TMEM260: variants seen among roughly 807,000 people sequenced by gnomAD.
The protein encoded by TMEM260 is transmembrane protein 260, also known as protein O-mannosyl-transferase TMEM260.
A neutral mutation model predicts 88.9 loss-of-function variants in TMEM260; 82 were observed. That is an observed-to-expected ratio of 0.92 (90% CI 0.77 to 1.11). TMEM260 has a LOEUF of 1.11. Among genes scored for constraint, TMEM260 ranks in the 50% least tolerant of loss-of-function variants. TMEM260 has a pLI of 0.00. For synonymous variants in TMEM260, 314 were observed against 309.3 expected, an observed-to-expected ratio of 1.02 and a Z score of -0.16; for missense variants, 902 against 853.4, an observed-to-expected ratio of 1.06 and a Z score of -0.71.
At position 56,580,002 on chromosome 14, in the gene TMEM260, G is replaced by T; in HGVS notation, c.88G>T (p.Val30Leu). Residue 30 changes from valine (V) to leucine (L), a missense_variant, in exon 1 of 16, where the codon GTG becomes TTG. Transcript: ENST00000261556. ...GCGCTCCGGGGGCATCCGCGGCGGC[G>T]TGGCGGTGTTCGCCGCCGTGGCCGC... is the stretch of plus-strand genomic sequence containing the variant. ...LRRSGGIRGGVAVFAAVAAVF... is the reference protein window; with the variant it reads ...LRRSGGIRGGLAVFAAVAAVF... The T allele has an allele frequency of 8.0e-7, 1 of 1,246,968 alleles. No individual in the cohort carries two copies. Among genetic ancestry groups the T allele is most frequent in the Non-Finnish European group, 1.0e-6 (1 of 989,146 alleles). The allele number at this position is 1,246,968 out of a possible 1,614,324, so 77.2% of individuals were successfully genotyped here. A position where few individuals can be genotyped will look rare whatever the true frequency, so the allele number is the denominator to read the frequency against.
intron 1 of TMEM260, among the ~76,000 whole-genome samples, chr14:56,581,563 T>G (rs567755219): frequency 6.6e-6 from 1 of 152,318 alleles, no homozygotes; most frequent in South Asian, 2.1e-4. Flanking sequence ...CAGCTACTTA[T>G]GGTTGGTTGA....
intron 7 of TMEM260, chr14:56,615,404 G>T (rs1174186465): frequency 6.6e-6 from 1 of 152,050 alleles, no homozygotes; most frequent in Non-Finnish European, 1.5e-5. Flanking sequence ...CTCTGAGATT[G>T]CTTAAATGTT....
intron 6 of TMEM260, 92 bp downstream of exon 6, chr14:56,609,377 T>C (rs1044245147): frequency 7.6e-6 from 9 of 1,179,490 alleles, no homozygotes; most frequent in Non-Finnish European, 1.1e-5. Flanking sequence ...TATTTGTCAA[T>C]GACAGTAGAT....
chr14:56,661,960 C>A, the TMEM260 span, among the ~76,000 whole-genome samples: 8 of 152,070 alleles, frequency 5.3e-5, no homozygotes, highest in African/African-American at 1.9e-4. Flanking sequence ...AGAATTAGAC[C>A]TTCGGGATTA....
In TMEM260 at chr14:56,636,465, T is replaced by C. The variant is rs534359443; in HGVS notation, c.1779-43T>C. On this transcript the variant is annotated intron_variant, in intron 14 of 15. Transcript: ENST00000261556. ...GATTTAGCTAGCCCTGAATGTGCAA[T>C]TGACTGTATGATTTTAATGAAGGTT... 1.7e-5 allele frequency: 26 copies of C among 1,507,682 alleles called. No individual in the cohort carries two copies. In the Admixed American group the frequency reaches 3.7e-4, roughly 21 times the overall value. The allele number at this position is 1,507,682 out of a possible 1,614,324, so 93.4% of individuals were successfully genotyped here.
intron 12 of TMEM260, among the ~76,000 whole-genome samples, chr14:56,627,966 T>G (rs1888341832): frequency 6.6e-6 from 1 of 152,234 alleles, no homozygotes; most frequent in Admixed American, 6.5e-5. Flanking sequence ...TTATTATAGC[T>G]TTACCTTTTC....
downstream of TMEM260, among the ~76,000 whole-genome samples, chr14:56,653,196 CTG>C (rs1345764213): frequency 1.3e-5 from 2 of 151,588 alleles, no homozygotes; most frequent in Non-Finnish European, 2.9e-5. Flanking sequence ...GAGCAAGACT[CTG>C]TTTCAAAAAA....
chr14:56,594,316 A>G lies in TMEM260; in HGVS notation c.344+8404A>G, dbSNP rs539881610. 1.4e-3 allele frequency among the ~76,000 whole-genome samples: 218 copies of G among 152,276 alleles called. 3 individuals are homozygous for G. The highest frequency in any genetic ancestry group is 0.011 in the Admixed American group (167 of 15,300). Reference sequence around the variant, plus strand: ...TGAAAAGAGTTCTCATTTATTCACAACCTCATTTGAATTTCTCTTTTGCTT... The same window carrying G: ...TGAAAAGAGTTCTCATTTATTCACAGCCTCATTTGAATTTCTCTTTTGCTT... On this transcript the variant is annotated intron_variant, in intron 3 of 15. Transcript: ENST00000261556.
intron 15 of TMEM260, among the ~76,000 whole-genome samples, chr14:56,638,668 G>A (rs1442178075): frequency 6.6e-6 from 1 of 152,038 alleles, no homozygotes; most frequent in Non-Finnish European, 1.5e-5. Context: ...GGTAATTACT[G>A]AATTACCACC....
chr14:56,659,121 G>A, the TMEM260 span, among the ~76,000 whole-genome samples: 7 of 152,104 alleles, frequency 4.6e-5, no homozygotes, highest in East Asian at 1.3e-3. Flanking sequence ...CCAGCTTCTT[G>A]GTTTTGATCA....
chr14:56,659,674 G>T, the TMEM260 span, among the ~76,000 whole-genome samples: 1 of 152,196 alleles, frequency 6.6e-6, no homozygotes, highest in Non-Finnish European at 1.5e-5. Flanking sequence ...TATTCTTCCA[G>T]TCCGGGTTTC....
chr14:56,655,784 C>T, the TMEM260 span, among the ~76,000 whole-genome samples: 1 of 152,080 alleles, frequency 6.6e-6, no homozygotes, highest in Non-Finnish European at 1.5e-5. Flanking sequence ...ATTCTATTTT[C>T]CTATTTTATT....
chr14:56,657,301 CT>C, the TMEM260 span, among the ~76,000 whole-genome samples: 3 of 145,398 alleles, frequency 2.1e-5, no homozygotes, highest in African/African-American at 8.2e-5. Context: ...CATTTATTCA[CT>C]TTTTTTTTTA....
chr14:56,593,926 A>G (rs1369993945), intron 3 of TMEM260, among the ~76,000 whole-genome samples: 1 of 151,290 alleles, frequency 6.6e-6, no homozygotes, highest in African/African-American at 2.4e-5. Flanking sequence ...TGACCTCATG[A>G]TCCACCCGCC....
chr14:56,631,216 G>A (rs1220066057), intron 12 of TMEM260, among the ~76,000 whole-genome samples: 1 of 152,212 alleles, frequency 6.6e-6, no homozygotes, highest in Admixed American at 6.5e-5. Flanking sequence ...CTTTGACTCA[G>A]GGTTTTATAC....
chr14:56,635,049 A>G (rs1479917879), intron 14 of TMEM260, 97 bp downstream of exon 14: 1 of 1,006,580 alleles, frequency 9.9e-7, no homozygotes, highest in Admixed American at 1.9e-5. Context: ...GTGAGTAGTG[A>G]TAATAAAAAT....
chr14:56,646,933 A>C (rs1192857655), intron 15 of TMEM260, among the ~76,000 whole-genome samples: 1 of 152,172 alleles, frequency 6.6e-6, no homozygotes, highest in Non-Finnish European at 1.5e-5. Flanking sequence ...CCATGAATTA[A>C]AACTAAATCC....
At chr14:56,605,795 C>G in intron 5 of TMEM260, 112 bp downstream of exon 5, 1 of 629,858 alleles carries the variant, frequency 1.6e-6, no homozygotes, top group Non-Finnish European at 2.7e-6. Context: ...TCATGTAAAG[C>G]ATAAATAACC....
At chr14:56,623,883 G>A (rs980874764) in intron 11 of TMEM260, among the ~76,000 whole-genome samples, 5 of 152,118 alleles carry the variant, frequency 3.3e-5, no homozygotes, top group African/African-American at 9.7e-5. Context: ...GATGATATCC[G>A]AACATAACAA....
Sources: gnomAD v4.1 joint callset for allele counts (sites outside exome capture counted in the v4.1 genomes callset) on GRCh38, gnomAD v4.1.1 for gene constraint, MANE v1.5 for transcripts, NCBI Gene and HGNC (gene_info 2026-07-23, HGNC 2026-07-21) for gene names.